The following RUVBL2 variants were observed in gnomAD, a reference collection of about 807,000 sequenced individuals.
RUVBL2 encodes the protein RuvB like AAA ATPase 2.
In RUVBL2, 9 loss-of-function variants were observed where a neutral mutation model predicts 57.9. The ratio of observed to expected loss-of-function variants is 0.16; its 90% confidence interval spans 0.09 to 0.27. The LOEUF is 0.27. Among genes scored for constraint, RUVBL2 ranks in the 10% least tolerant of loss-of-function variants. The probability of loss-of-function intolerance (pLI) is 1.00; values close to 1 mark genes in which losing one functional copy is unlikely to be tolerated. For synonymous variants in RUVBL2, 278 were observed against 264.6 expected (o/e 1.05, Z -0.49); for missense variants, 456 against 669.6 (o/e 0.68, Z 3.52).
chr19:49,001,117 C>T (rs2039170079), intron 2 of RUVBL2, among the ~76,000 whole-genome samples: 1 of 151,762 alleles, frequency 6.6e-6, no homozygotes, highest in South Asian at 2.1e-4. Context: ...GCACTCCAGC[C>T]TGGGTGACAG....
In RUVBL2 at chr19:49,009,889, A is replaced by G. The variant is rs753165837; in HGVS notation, c.569+7A>G. ...AGGACAAGGTCCAGGCCGGGTGAGC[A>G]GTCAGGGGCCATGCCAGGCAGCCAG... On this transcript the variant is annotated splice_region_variant and intron_variant, in intron 7 of 14. Transcript: ENST00000595090. 4.3e-6 allele frequency: 7 copies of G among 1,613,812 alleles called. No individual in the cohort carries two copies. In the South Asian group the frequency reaches 7.7e-5, roughly 18 times the overall value.
upstream of RUVBL2, chr19:48,993,714 A>C (rs1051609036): frequency 7.5e-6 from 5 of 666,586 alleles, no homozygotes; most frequent in African/African-American, 8.9e-5. Flanking sequence ...GAATGGACCC[A>C]GGAGTTCCGG....
At chr19:49,008,596 A>G (rs2039332942) in intron 6 of RUVBL2, among the ~76,000 whole-genome samples, 1 of 151,806 alleles carries the variant, frequency 6.6e-6, no homozygotes, top group South Asian at 2.1e-4. Flanking sequence ...CTGTAATCCC[A>G]GCACTTTGGG....
intron 4 of RUVBL2, among the ~76,000 whole-genome samples, chr19:49,006,731 G>C (rs530869949): frequency 9.2e-5 from 14 of 152,374 alleles, no homozygotes; most frequent in Non-Finnish European, 1.9e-4. Context: ...AGACTGAGGT[G>C]TGGCGAGGTT....
chr19:49,005,863 T>C (rs1006305387), intron 4 of RUVBL2, among the ~76,000 whole-genome samples: 5 of 152,250 alleles, frequency 3.3e-5, no homozygotes, highest in African/African-American at 1.2e-4. Context: ...CCCGAACTCC[T>C]GACCTCAGGT....
rs202244161 is a variant in RUVBL2 at position 49,010,479 on chromosome 19, G to A, written c.664-9G>A. 3.0e-4 allele frequency: 249 copies of A among 816,688 alleles called. No homozygotes were observed. Among genetic ancestry groups the A allele is most frequent in the East Asian group, 2.4e-3 (58 of 24,550 alleles). 50.6% of individuals were successfully genotyped at this position (816,688 alleles called of 1,614,324 possible). On this transcript the variant is annotated splice_polypyrimidine_tract_variant and intron_variant, in intron 8 of 14. Transcript: ENST00000595090. The stretch of plus-strand genomic sequence containing the variant: ...TCTCCGCCGTTCTTCCCCCACCCCC[G>A]CCCCATAGACCAAGTTCGTGCAGTG...
At chr19:48,999,423 C>G in intron 2 of RUVBL2, 50 bp downstream of exon 2, 1 of 1,594,370 alleles carries the variant, frequency 6.3e-7, no homozygotes, top group Non-Finnish European at 8.6e-7. Context: ...TGCCATGTGC[C>G]CTGACAGAGC....
At position 49,004,373 on chromosome 19, in the gene RUVBL2, C is replaced by G; in HGVS notation, c.220C>G (p.Leu74Val). 1.2e-6 allele frequency: 2 copies of G among 1,613,370 alleles called. No individual in the cohort carries two copies. Among genetic ancestry groups the G allele is most frequent in the Non-Finnish European group, 1.7e-6 (2 of 1,179,980 alleles). Reference protein sequence around the residue: ...REGKIAGRAVLIAGQPGTGKT... With the variant: ...REGKIAGRAVVIAGQPGTGKT... ...AGGGAAGATTGCCGGTCGGGCAGTC[C>G]TTATTGCTGGCCAGCCGGGCACGGG... Residue 74 changes from leucine (L) to valine (V), a missense_variant, in exon 4 of 15, where the codon CTT becomes GTT. By Grantham distance (32) the Leu-to-Val change is conservative. Coordinates refer to ENST00000595090, the MANE Select transcript of RUVBL2 (RefSeq NM_006666.3).
chr19:49,005,375 G>T (rs1232529751), intron 4 of RUVBL2, among the ~76,000 whole-genome samples: 1 of 152,146 alleles, frequency 6.6e-6, no homozygotes, highest in African/African-American at 2.4e-5. Flanking sequence ...GGAGGAGGTG[G>T]TCATGGACAC....
At chr19:49,006,886 G>T (rs1600183054) in intron 4 of RUVBL2, 132 bp from the exon 5 acceptor site, 2 of 1,225,098 alleles carry the variant, frequency 1.6e-6, no homozygotes, top group East Asian at 2.4e-5. Context: ...TCAGCTCGGA[G>T]CCAAGTCCTT....
intron 1 of RUVBL2, chr19:48,994,329 G>C (rs577928764): frequency 4.2e-6 from 1 of 239,704 alleles, no homozygotes; most frequent in Admixed American, 5.0e-5. Context: ...TTCCAAGCTG[G>C]AAGCACAGGC....
At chr19:49,008,893 C>T (rs756983063) in intron 6 of RUVBL2, among the ~76,000 whole-genome samples, 11 of 151,454 alleles carry the variant, frequency 7.3e-5, no homozygotes, top group African/African-American at 1.2e-4. Flanking sequence ...GCAGGAGAAT[C>T]GCTTGAATCT....
At chr19:49,010,872 C>T (rs2039409709) in intron 9 of RUVBL2, 127 bp from the exon 10 acceptor site, 2 of 922,740 alleles carry the variant, frequency 2.2e-6, no homozygotes, top group Non-Finnish European at 3.4e-6. Flanking sequence ...GTTTCAGGCT[C>T]CTCATCCCTC....
intron 11 of RUVBL2, 68 bp from the exon 12 acceptor site, chr19:49,014,416 T>G: frequency 1.3e-6 from 2 of 1,553,286 alleles, no homozygotes; most frequent in Non-Finnish European, 1.7e-6. Context: ...GAGGTGAGAG[T>G]GTTCCCAGCA....
At chr19:49,010,372 C>T in intron 8 of RUVBL2, 116 bp from the exon 9 acceptor site, 1 of 1,065,952 alleles carries the variant, frequency 9.4e-7, no homozygotes, top group Non-Finnish European at 1.4e-6. Flanking sequence ...CCCCATTTAG[C>T]CTCCCAGCTC....
chr19:48,994,906 G>C (rs975455935), intron 1 of RUVBL2: 1 of 152,058 alleles, frequency 6.6e-6, no homozygotes, highest in Non-Finnish European at 1.5e-5. Flanking sequence ...GGGCGACAAA[G>C]CGAGACTCTG....
chr19:49,009,681 G>C (rs962829045), intron 6 of RUVBL2, 95 bp from the exon 7 acceptor site: 1 of 1,059,926 alleles, frequency 9.4e-7, no homozygotes, highest in African/African-American at 1.6e-5. Flanking sequence ...GGAAGCAGAG[G>C]CCAGAGCAGA....
At chr19:48,993,749 G>T, upstream of RUVBL2, 1 of 865,218 alleles carries the variant, frequency 1.2e-6, no homozygotes, top group African/African-American at 1.7e-5. Flanking sequence ...GCGCAGCCTC[G>T]GTGGGAGGGC....
intron 11 of RUVBL2, among the ~76,000 whole-genome samples, chr19:49,014,207 C>T (rs887890966): frequency 2.6e-5 from 4 of 152,196 alleles, no homozygotes; most frequent in Non-Finnish European, 5.9e-5. Context: ...AGCTTTGTGT[C>T]GAGCACGGGA....
Sources: allele counts gnomAD v4.1 joint callset (sites outside exome capture counted in the v4.1 genomes callset), GRCh38; gene constraint gnomAD v4.1.1; transcripts MANE v1.5; gene names NCBI Gene and HGNC (gene_info 2026-07-23, HGNC 2026-07-21).